ALK: variants seen among roughly 807,000 people sequenced by gnomAD.
ALK encodes ALK tyrosine kinase receptor.
ALK carries 74 observed loss-of-function variants against 163.1 expected under a neutral mutation model. The observed-to-expected ratio is 0.45, with a 90% confidence interval of 0.38 to 0.55. The LOEUF is 0.55. Ranked by LOEUF, ALK falls within the 20% of genes least tolerant of loss-of-function variation. ALK has a pLI of 0.00. For missense variants in ALK, 2,063 were observed against 2,105.3 expected, an observed-to-expected ratio of 0.98 and a Z score of 0.39; for synonymous variants, 960 against 843.2, an observed-to-expected ratio of 1.14 and a Z score of -2.40.
At chr2:29,770,934 CACAT>C (rs1416321955) in intron 1 of ALK, among the ~76,000 whole-genome samples, 1 of 151,870 alleles carries the variant, frequency 6.6e-6, no homozygotes, top group Admixed American at 6.6e-5. Context: ...CAGTCACACA[CACAT>C]AGACACACAG....
intron 12 of ALK, 56 bp downstream of exon 12, chr2:29,251,049 C>T (rs1383877832): frequency 6.3e-7 from 1 of 1,584,782 alleles, no homozygotes; most frequent in Non-Finnish European, 8.6e-7. Context: ...AGGCAAGACT[C>T]CAGGCTTCTT....
intron 4 of ALK, among the ~76,000 whole-genome samples, chr2:29,518,588 G>T (rs1672732976): frequency 6.6e-6 from 1 of 152,174 alleles, no homozygotes; most frequent in Non-Finnish European, 1.5e-5. Flanking sequence ...GGTGAGCCAG[G>T]CTTAAGCCAC....
chr2:29,518,578 G>C (rs984747979), intron 4 of ALK, among the ~76,000 whole-genome samples: 4 of 152,174 alleles, frequency 2.6e-5, no homozygotes, highest in African/African-American at 7.2e-5. Flanking sequence ...CTAGCGAAAG[G>C]GTGAGCCAGG....
intron 4 of ALK, among the ~76,000 whole-genome samples, chr2:29,496,960 A>G (rs1318308170): frequency 1.3e-5 from 2 of 152,212 alleles, no homozygotes; most frequent in African/African-American, 2.4e-5. Flanking sequence ...TCCGGGCACT[A>G]TAGATTCACC....
At chr2:29,195,417 G>A (rs979400675) in intron 28 of ALK, among the ~76,000 whole-genome samples, 5 of 152,316 alleles carry the variant, frequency 3.3e-5, no homozygotes, top group East Asian at 3.9e-4. Context: ...TTTGAAAAAT[G>A]TGTCTGTCTT....
At chr2:29,279,245 T>G (rs933863878) in intron 9 of ALK, among the ~76,000 whole-genome samples, 2 of 152,296 alleles carry the variant, frequency 1.3e-5, no homozygotes, top group African/African-American at 4.8e-5. Flanking sequence ...CACTGTGAAT[T>G]GCACATATTT....
At chr2:29,777,627 T>C (rs1681210944) in intron 1 of ALK, among the ~76,000 whole-genome samples, 2 of 152,162 alleles carry the variant, frequency 1.3e-5, no homozygotes, top group Admixed American at 1.3e-4. Context: ...GTCAAAAGAA[T>C]ATCTCATAAG....
chr2:29,601,692 C>G (rs1042993513), intron 3 of ALK, among the ~76,000 whole-genome samples: 2 of 152,016 alleles, frequency 1.3e-5, no homozygotes, highest in East Asian at 3.9e-4. Flanking sequence ...CAAAAGCAGG[C>G]AGGAAAGTCA....
chr2:29,650,936 G>A (rs888422730), intron 3 of ALK, among the ~76,000 whole-genome samples: 10 of 152,106 alleles, frequency 6.6e-5, no homozygotes, highest in African/African-American at 2.2e-4. Flanking sequence ...TAAATCATGC[G>A]ATAATTCAAT....
Position 29,226,940 on chromosome 2 carries a change from C to A in ALK, c.3049G>T (p.Asp1017Tyr), listed in dbSNP as rs2148178322. Reference sequence around the variant, plus strand: ...CCCTTACCAATGCAGGAGACGCCATCCTCAGCCAGCACCGTCCCGTGGTCA... The same window carrying A: ...CCCTTACCAATGCAGGAGACGCCATACTCAGCCAGCACCGTCCCGTGGTCA... ...FCDHGTVLAE[D>Y]GVSCIVSPTP... The change falls in exon 18 of 29, where the codon GAT becomes TAT. Residue 1017 changes from aspartate to tyrosine, a missense_variant. Coordinates refer to ENST00000389048, the MANE Select transcript of ALK (RefSeq NM_004304.5). The A allele has an allele frequency of 6.2e-7, 1 of 1,614,248 alleles. No homozygotes were observed. The highest frequency in any genetic ancestry group is 8.5e-7 in the Non-Finnish European group (1 of 1,180,048).
intron 4 of ALK, among the ~76,000 whole-genome samples, chr2:29,402,037 G>T (rs902971221): frequency 6.6e-6 from 1 of 152,244 alleles, no homozygotes; most frequent in Non-Finnish European, 1.5e-5. Flanking sequence ...GCAGGTTAGA[G>T]TTGGGCTGTG....
At chr2:29,196,433 C>T (rs1304407952) in intron 28 of ALK, among the ~76,000 whole-genome samples, 1 of 152,176 alleles carries the variant, frequency 6.6e-6, no homozygotes, top group Non-Finnish European at 1.5e-5. Flanking sequence ...TATTTGAGAG[C>T]AGATGTGTTC....
intron 5 of ALK, among the ~76,000 whole-genome samples, chr2:29,339,489 C>G (rs1216180001): frequency 2.0e-5 from 3 of 152,138 alleles, no homozygotes; most frequent in Admixed American, 6.5e-5. Flanking sequence ...AGGCAGGACC[C>G]TGTGGGCCGT....
intron 2 of ALK, among the ~76,000 whole-genome samples, chr2:29,706,975 ATG>A (rs766564449): frequency 0.062 from 6,376 of 102,564 alleles, 138 homozygotes; most frequent in South Asian, 0.12. Context: ...CTCATGCAGA[ATG>A]TGTGTGTGTG....
intron 15 of ALK, among the ~76,000 whole-genome samples, chr2:29,230,898 A>G (rs57066968): frequency 0.12 from 18,376 of 152,126 alleles, 1,292 homozygotes; most frequent in African/African-American, 0.19. Context: ...AACGAGATGG[A>G]CGGAGACCAT....
At chr2:29,500,050 G>T (rs964421403) in intron 4 of ALK, among the ~76,000 whole-genome samples, 2 of 152,102 alleles carry the variant, frequency 1.3e-5, no homozygotes, top group African/African-American at 4.8e-5. Context: ...CCTCAACACG[G>T]CTCCTCAACA....
chr2:29,510,941 C>T (rs543554838), intron 4 of ALK, among the ~76,000 whole-genome samples: 24 of 152,254 alleles, frequency 1.6e-4, no homozygotes, highest in African/African-American at 5.8e-4. Flanking sequence ...GTAGGTAAGG[C>T]TAAATAAGTG....
At chr2:29,634,109 T>G (rs17008365) in intron 3 of ALK, among the ~76,000 whole-genome samples, 1,994 of 119,350 alleles carry the variant, frequency 0.017, 36 homozygotes, top group Middle Eastern at 0.048. Flanking sequence ...AAAGGATGAC[T>G]GGTGCACATT....
chr2:29,522,868 C>T (rs542676335), intron 4 of ALK, among the ~76,000 whole-genome samples: 10 of 152,122 alleles, frequency 6.6e-5, no homozygotes, highest in Non-Finnish European at 1.2e-4. Flanking sequence ...TTGGAGTTTT[C>T]GTTAGGGAAG....
Sources: allele counts gnomAD v4.1 joint callset (sites outside exome capture counted in the v4.1 genomes callset), GRCh38; gene constraint gnomAD v4.1.1; transcripts MANE v1.5; gene names NCBI Gene and HGNC (gene_info 2026-07-23, HGNC 2026-07-21).